The following SPIRE2 variants were observed in gnomAD, a reference collection of about 807,000 sequenced individuals.
SPIRE2 encodes protein spire homolog 2.
Under a neutral mutation model 80.7 loss-of-function variants are expected in SPIRE2, and 76 were observed. The observed-to-expected ratio is 0.94, with a 90% CI of 0.78 to 1.14. The LOEUF (loss-of-function observed/expected upper bound fraction) is 1.14. SPIRE2 is among the 50% of genes most tolerant of loss of function. The probability of loss-of-function intolerance (pLI) is 0.00; values close to 1 mark genes in which losing one functional copy is unlikely to be tolerated. For missense variants in SPIRE2, 1,196 were observed against 1,015.3 expected (o/e 1.18, Z -2.42); for synonymous variants, 535 against 432.6 (o/e 1.24, Z -2.94).
chr16:89,832,950 T>C (rs987972585), intron 1 of SPIRE2, among the ~76,000 whole-genome samples: 37 of 150,952 alleles, frequency 2.5e-4, no homozygotes, highest in African/African-American at 8.8e-4. Context: ...GCCTCCCAAG[T>C]AGCTGGGATT....
chr16:89,829,692 C>G (rs963396181), intron 1 of SPIRE2, among the ~76,000 whole-genome samples: 6 of 139,308 alleles, frequency 4.3e-5, no homozygotes, highest in Admixed American at 1.3e-4. Flanking sequence ...TGTTCCTTCA[C>G]CAGGTCCTGC....
rs570966546 is a variant in SPIRE2 at position 89,831,736 on chromosome 16, C to T, written c.244+2942C>T. Among the ~76,000 whole-genome samples, 28 of 151,284 alleles carry T rather than the reference C, an allele frequency of 1.9e-4. 1 individual carries two copies. Among genetic ancestry groups the T allele is most frequent in the Admixed American group, 1.5e-3 (23 of 15,270 alleles). ...TTTCACAGGCAGGCCCCGCTCTTTACGCTAGGATGCCCCACGTTGCTGGTC... is the reference window on the plus strand; with the variant it reads ...TTTCACAGGCAGGCCCCGCTCTTTATGCTAGGATGCCCCACGTTGCTGGTC... On this transcript the variant is annotated intron_variant, in intron 1 of 14. Coordinates refer to ENST00000378247, the MANE Select transcript of SPIRE2 (RefSeq NM_032451.2).
At chr16:89,850,068 C>A (rs1024455120) in intron 2 of SPIRE2, 5 of 648,888 alleles carry the variant, frequency 7.7e-6, no homozygotes, top group Non-Finnish European at 1.4e-5. Flanking sequence ...GAACTCCTGA[C>A]CTCGTGATCC....
chr16:89,831,723 G>A (rs552802439), intron 1 of SPIRE2, among the ~76,000 whole-genome samples: 1 of 151,224 alleles, frequency 6.6e-6, no homozygotes, highest in South Asian at 2.1e-4. Context: ...TCACAGGCAG[G>A]CCCCGCTCTT....
At chr16:89,841,576 T>G (rs1361541688) in intron 1 of SPIRE2, among the ~76,000 whole-genome samples, 1 of 152,164 alleles carries the variant, frequency 6.6e-6, no homozygotes, top group Non-Finnish European at 1.5e-5. Context: ...CTGCCCCATT[T>G]ATTAGGGGTA....
intron 9 of SPIRE2, 132 bp from the exon 10 acceptor site, chr16:89,860,551 C>A: frequency 1.6e-6 from 1 of 632,730 alleles, no homozygotes. Flanking sequence ...AGCTACTGCC[C>A]GGCCGCTTCT....
chr16:89,858,781 C>A (rs2143819250), intron 8 of SPIRE2, among the ~76,000 whole-genome samples: 1 of 152,320 alleles, frequency 6.6e-6, no homozygotes, highest in East Asian at 1.9e-4. Context: ...CTCGCTGTCC[C>A]AGGCCCCGGA....
chr16:89,834,285 C>G (rs1479649660), intron 1 of SPIRE2, among the ~76,000 whole-genome samples: 1 of 139,854 alleles, frequency 7.2e-6, no homozygotes, highest in Non-Finnish European at 1.6e-5. Context: ...AACCTGCCCG[C>G]GCTCGCGGTT....
At chr16:89,832,298 C>T (rs1168816673) in intron 1 of SPIRE2, among the ~76,000 whole-genome samples, 1 of 152,252 alleles carries the variant, frequency 6.6e-6, no homozygotes, top group African/African-American at 2.4e-5. Flanking sequence ...TCTGGGCTGG[C>T]TGGGCCTCCT....
At chr16:89,860,898 T>G (rs1358536933) in intron 10 of SPIRE2, 103 bp downstream of exon 10, 8 of 688,394 alleles carry the variant, frequency 1.2e-5, no homozygotes, top group African/African-American at 9.5e-5. Flanking sequence ...AGCACCTGTC[T>G]GGGGGGTGTG....
chr16:89,855,462 T>A, intron 5 of SPIRE2, 138 bp from the exon 6 acceptor site: 1 of 695,666 alleles, frequency 1.4e-6, no homozygotes, highest in South Asian at 1.8e-5. Context: ...GGGAAGCAGC[T>A]GGGTCCCTGC....
Position 89,854,317 on chromosome 16 carries a change from A to G in SPIRE2, c.677A>G (p.His226Arg). The change falls in exon 4 of 15, where the codon CAT becomes CGT. Residue 226 changes from histidine to arginine, a missense_variant. By Grantham distance (29) the His-to-Arg change is conservative (BLOSUM62 0). Transcript: ENST00000378247. ...MLQKLREDEP[H>R]LETPRAELDS... ...CAGAAGCTTCGGGAGGACGAGCCGC[A>G]TCTGGAGACGCCTCGGGCAGAGCTG... The G allele has an allele frequency of 6.2e-7, 1 of 1,612,586 alleles. No individual in the cohort carries two copies. The highest frequency in any genetic ancestry group is 8.5e-7 in the Non-Finnish European group (1 of 1,179,880).
intron 2 of SPIRE2, chr16:89,845,656 G>T (rs769051000): frequency 1.0e-5 from 7 of 695,510 alleles, no homozygotes; most frequent in Admixed American, 4.1e-5. Context: ...GCTGACGTCT[G>T]CAGGGCCGGC....
chr16:89,866,558 G>A (rs561392831), intron 12 of SPIRE2, among the ~76,000 whole-genome samples: 7 of 151,968 alleles, frequency 4.6e-5, no homozygotes, highest in Non-Finnish European at 7.4e-5. Flanking sequence ...GCCTCCCAAA[G>A]TGCTGGGATT....
At chr16:89,850,145 C>A (rs1235709187) in intron 2 of SPIRE2, 159 bp from the exon 3 acceptor site, 1 of 739,420 alleles carries the variant, frequency 1.4e-6, no homozygotes, top group African/African-American at 1.7e-5. Flanking sequence ...CGGGAACATC[C>A]TTTTCATCCG....
intron 1 of SPIRE2, among the ~76,000 whole-genome samples, chr16:89,833,992 C>G (rs755483969): frequency 6.6e-6 from 1 of 152,112 alleles, no homozygotes; most frequent in Non-Finnish European, 1.5e-5. Flanking sequence ...ATGGCATTCC[C>G]GATATAGTCT....
chr16:89,842,452 A>G (rs910284624), intron 1 of SPIRE2, among the ~76,000 whole-genome samples: 1 of 151,970 alleles, frequency 6.6e-6, no homozygotes. Context: ...ACCTCAGGTG[A>G]TCCACCCACT....
At chr16:89,847,217 G>A (rs916769456) in intron 2 of SPIRE2, 1 of 152,218 alleles carries the variant, frequency 6.6e-6, no homozygotes. Context: ...GGGCGGGGAT[G>A]TTTAGACTGC....
intron 12 of SPIRE2, among the ~76,000 whole-genome samples, chr16:89,864,923 A>C (rs2041775955): frequency 6.6e-6 from 1 of 152,220 alleles, no homozygotes; most frequent in African/African-American, 2.4e-5. Context: ...TGGGTTTTGT[A>C]ACACGTGTGT....
Sources: gnomAD v4.1 joint callset for allele counts (sites outside exome capture counted in the v4.1 genomes callset) on GRCh38, gnomAD v4.1.1 for gene constraint, MANE v1.5 for transcripts, NCBI Gene and HGNC (gene_info 2026-07-23, HGNC 2026-07-21) for gene names.